Variants in DYNC2I2 observed in about 807,000 individuals in gnomAD.
DYNC2I2 encodes dynein 2 intermediate chain 2, also known as cytoplasmic dynein 2 intermediate chain 2.
DYNC2I2 carries 39 observed loss-of-function variants against 52.0 expected under a neutral mutation model. That is an observed-to-expected ratio of 0.75 (90% confidence interval 0.58 to 0.98). The LOEUF is 0.98. Among genes scored for constraint, DYNC2I2 ranks in the 50% least tolerant of loss-of-function variants. The probability of loss-of-function intolerance (pLI) is 0.00; values close to 1 mark genes in which losing one functional copy is unlikely to be tolerated. For synonymous variants in DYNC2I2, 359 were observed against 321.1 expected (o/e 1.12, Z -1.26); for missense variants, 743 against 728.4 (o/e 1.02, Z -0.23).
rs1414834469 is a variant in DYNC2I2, at chr9:128,651,278, T to C, written c.186+5263A>G. ...CGGGGGTAGTAGCTCATACCTGTAATCCTAGCACTTTAGGAGGTCGAGGTG... is the reference window on the plus strand; with the variant it reads ...CGGGGGTAGTAGCTCATACCTGTAACCCTAGCACTTTAGGAGGTCGAGGTG... On this transcript the variant is annotated intron_variant, in intron 1 of 8. Coordinates refer to ENST00000372715, the MANE Select transcript of DYNC2I2 (RefSeq NM_052844.4). 6 of 57,562 alleles carry C rather than the reference T, an allele frequency of 1.0e-4. 3 individuals carry two copies. Among genetic ancestry groups the C allele is most frequent in the Admixed American group, 8.1e-4 (4 of 4,946 alleles). 3.6% of individuals were successfully genotyped at this position (57,562 alleles called of 1,614,324 possible). A position where few individuals can be genotyped will look rare whatever the true frequency, so the allele number is the denominator to read the frequency against.
intron 1 of DYNC2I2, among the ~76,000 whole-genome samples, chr9:128,655,168 C>G (rs946170706): frequency 6.6e-6 from 1 of 151,600 alleles, no homozygotes; most frequent in Non-Finnish European, 1.5e-5. Context: ...ACCTGGAAAA[C>G]TGGCTTATCT....
At chr9:128,659,392 G>A (rs1487229756), upstream of DYNC2I2, among the ~76,000 whole-genome samples, 1 of 151,584 alleles carries the variant, frequency 6.6e-6, no homozygotes, top group East Asian at 1.9e-4. Flanking sequence ...CTACTCGGGA[G>A]GCTGAGCCAG....
rs566006220 is a variant in DYNC2I2, at chr9:128,654,247, G to C, written c.186+2294C>G. ...GGGCAGACTTCTAGGCCTGAGGTAA[G>C]AAATCTGTCCTCAAGAGTAAGATTT... On this transcript the variant is annotated intron_variant, in intron 1 of 8. Transcript: ENST00000372715. Among the ~76,000 whole-genome samples, 13 of 152,242 alleles carry C rather than the reference G, an allele frequency of 8.5e-5. No homozygotes were observed. The Middle Eastern group carries it at 0.01, about 119-fold the overall frequency.
the DYNC2I2 span, among the ~76,000 whole-genome samples, chr9:128,664,962 T>C: frequency 6.6e-6 from 1 of 151,752 alleles, no homozygotes; most frequent in African/African-American, 2.4e-5. Context: ...CATCTCTTTT[T>C]TAACAAAAAT....
the DYNC2I2 span, among the ~76,000 whole-genome samples, chr9:128,674,789 G>A: frequency 1.3e-4 from 20 of 152,208 alleles, no homozygotes; most frequent in African/African-American, 4.3e-4. Context: ...CATGTCGTGC[G>A]GCTGGTCTCA....
chr9:128,668,133 G>A, the DYNC2I2 span, among the ~76,000 whole-genome samples: 3 of 151,588 alleles, frequency 2.0e-5, no homozygotes, highest in South Asian at 2.1e-4. Flanking sequence ...GCTAATTTTT[G>A]TACTTTTAAT....
rs1860428983 is a variant in DYNC2I2 at position 128,637,047 on chromosome 9, CCT to C, written c.436-22_436-21del. The C allele has an allele frequency of 6.3e-7, 1 of 1,597,800 alleles. No homozygotes were observed. The highest frequency in any genetic ancestry group is 8.6e-7 in the Non-Finnish European group (1 of 1,167,848). On this transcript the variant is annotated intron_variant, in intron 2 of 8. Coordinates refer to ENST00000372715, the MANE Select transcript of DYNC2I2 (RefSeq NM_052844.4). The stretch of plus-strand genomic sequence containing the variant: ...AGACACCTGCGGAGACGTCCCCAAC[CCT>C]GAGTCCAAAGCCACCAGCAGGGGCC...
chr9:128,674,934 A>C, the DYNC2I2 span, among the ~76,000 whole-genome samples: 1 of 151,954 alleles, frequency 6.6e-6, no homozygotes, highest in Non-Finnish European at 1.5e-5. Context: ...GGGGCAAGGA[A>C]AGAGAAATGT....
chr9:128,652,518 G>T (rs1022292930), intron 1 of DYNC2I2, among the ~76,000 whole-genome samples: 3 of 150,668 alleles, frequency 2.0e-5, no homozygotes, highest in Admixed American at 1.3e-4. Flanking sequence ...AGGTACTCAG[G>T]AGGCTGACGG....
the DYNC2I2 span, among the ~76,000 whole-genome samples, chr9:128,674,134 T>C: frequency 1.3e-5 from 2 of 151,030 alleles, no homozygotes; most frequent in African/African-American, 4.9e-5. Flanking sequence ...TTTTGTTTTG[T>C]GTGTGTGTGT....
At chr9:128,666,477 C>T in the DYNC2I2 span, among the ~76,000 whole-genome samples, 7 of 150,260 alleles carry the variant, frequency 4.7e-5, no homozygotes, top group Admixed American at 4.0e-4. Context: ...AAAATGAAGA[C>T]AATGCCGGGC....
At chr9:128,681,191 A>G in the DYNC2I2 span, among the ~76,000 whole-genome samples, 1 of 151,878 alleles carries the variant, frequency 6.6e-6, no homozygotes, top group East Asian at 1.9e-4. Context: ...CCCGGGTTCA[A>G]GTGATTCTCC....
In DYNC2I2 at chr9:128,636,934, C is replaced by A. The variant is rs376244238; in HGVS notation, c.529G>T (p.Ala177Ser). 3.5e-5 allele frequency: 57 copies of A among 1,612,564 alleles called. No individual in the cohort carries two copies. The highest frequency in any genetic ancestry group is 4.6e-5 in the Non-Finnish European group (54 of 1,179,918). ...ISWNSTGSVV[A>S]CAYGRLDHGD... ...GCCACTCACCGGCCGTAGGCACAGG[C>A]CACCACAGAGCCAGTGGAGTTCCAG... Residue 177 changes from alanine to serine, a missense_variant, in exon 3 of 9, where the codon GCC (alanine) becomes TCC (serine). Transcript: ENST00000372715.
intron 1 of DYNC2I2, among the ~76,000 whole-genome samples, chr9:128,655,540 G>A (rs1420467124): frequency 6.8e-6 from 1 of 146,752 alleles, no homozygotes; most frequent in Non-Finnish European, 1.5e-5. Context: ...AAGAAACCAA[G>A]TAGCGCCGAA....
chr9:128,637,323 G>A (rs1401771698), intron 2 of DYNC2I2, among the ~76,000 whole-genome samples: 1 of 152,238 alleles, frequency 6.6e-6, no homozygotes, highest in African/African-American at 2.4e-5. Context: ...GCAGGAAGGT[G>A]GGGATGGTTG....
chr9:128,676,650 G>C, the DYNC2I2 span, among the ~76,000 whole-genome samples: 4 of 151,306 alleles, frequency 2.6e-5, no homozygotes, highest in African/African-American at 9.7e-5. Flanking sequence ...TCCTACCCTA[G>C]CCTCCAGAGT....
At chr9:128,658,452 A>G (rs1168319826), upstream of DYNC2I2, among the ~76,000 whole-genome samples, 2 of 151,672 alleles carry the variant, frequency 1.3e-5, no homozygotes, top group African/African-American at 4.8e-5. Context: ...GGCGTGGGCC[A>G]CTGCGCCCAG....
chr9:128,646,203 TTTG>T (rs934812367), intron 1 of DYNC2I2, among the ~76,000 whole-genome samples: 27 of 152,256 alleles, frequency 1.8e-4, no homozygotes, highest in African/African-American at 5.3e-4. Context: ...AGATTTTCTT[TTTG>T]TTGTTGTTTT....
At chr9:128,641,699 G>A (rs756972238) in intron 1 of DYNC2I2, among the ~76,000 whole-genome samples, 8 of 152,140 alleles carry the variant, frequency 5.3e-5, no homozygotes, top group Non-Finnish European at 1.2e-4. Flanking sequence ...CAAGGCCCTG[G>A]ACTGCCACAC....
Sources: gnomAD v4.1 joint callset for allele counts (sites outside exome capture counted in the v4.1 genomes callset) on GRCh38, gnomAD v4.1.1 for gene constraint, MANE v1.5 for transcripts, NCBI Gene and HGNC (gene_info 2026-07-23, HGNC 2026-07-21) for gene names.